The following CADPS2 variants were observed in gnomAD, a reference collection of about 807,000 sequenced individuals.
CADPS2 encodes the protein calcium dependent secretion activator 2.
CADPS2 carries 93 observed loss-of-function variants against 172.5 expected under a neutral mutation model. That is an observed-to-expected ratio of 0.54 (90% CI 0.46 to 0.64). The LOEUF is 0.64. Ranked by LOEUF, CADPS2 falls within the 30% of genes least tolerant of loss-of-function variation. The probability of loss-of-function intolerance (pLI) is 0.00; values close to 1 mark genes in which losing one functional copy is unlikely to be tolerated. For synonymous variants in CADPS2, 546 were observed against 555.2 expected (o/e 0.98, Z 0.23); for missense variants, 1,420 against 1,565.9 (o/e 0.91, Z 1.57).
At chr7:122,493,826 C>T (rs752223205) in intron 9 of CADPS2, among the ~76,000 whole-genome samples, 23 of 147,782 alleles carry the variant, frequency 1.6e-4, no homozygotes, top group South Asian at 2.1e-4. Context: ...CCGTTATATT[C>T]GATAAACATT....
chr7:122,635,180 G>A (rs1336263756), intron 3 of CADPS2, among the ~76,000 whole-genome samples: 3 of 152,088 alleles, frequency 2.0e-5, no homozygotes, highest in Non-Finnish European at 4.4e-5. Flanking sequence ...GTTAAGTGTT[G>A]AGTTTAATTC....
At chr7:122,503,476 A>T (rs1477005073) in intron 9 of CADPS2, among the ~76,000 whole-genome samples, 1 of 152,168 alleles carries the variant, frequency 6.6e-6, no homozygotes, top group East Asian at 1.9e-4. Flanking sequence ...TGAAAGACTT[A>T]GGAGGATGCA....
At chr7:122,467,415 A>G (rs1297227257) in intron 14 of CADPS2, among the ~76,000 whole-genome samples, 1 of 152,230 alleles carries the variant, frequency 6.6e-6, no homozygotes, top group African/African-American at 2.4e-5. Flanking sequence ...CTGAAGTGAC[A>G]GTCAAGGGGA....
intron 1 of CADPS2, among the ~76,000 whole-genome samples, chr7:122,741,844 C>G (rs963212039): frequency 3.3e-5 from 5 of 152,142 alleles, no homozygotes; most frequent in Non-Finnish European, 7.4e-5. Context: ...ACAAAACAGA[C>G]TGTTACTTTC....
chr7:122,334,723 T>C (rs756751708), intron 28 of CADPS2, among the ~76,000 whole-genome samples: 10 of 152,186 alleles, frequency 6.6e-5, no homozygotes, highest in Non-Finnish European at 8.8e-5. Flanking sequence ...ATTTAATAGA[T>C]TAATTATTAG....
chr7:122,520,883 C>T (rs968940505), intron 8 of CADPS2, among the ~76,000 whole-genome samples: 4 of 151,920 alleles, frequency 2.6e-5, no homozygotes, highest in African/African-American at 9.7e-5. Flanking sequence ...AAAATCATCA[C>T]TAATGAATAT....
chr7:122,686,636 A>C (rs751982844), intron 2 of CADPS2, among the ~76,000 whole-genome samples: 10 of 152,212 alleles, frequency 6.6e-5, no homozygotes, highest in South Asian at 2.1e-4. Context: ...CAGAAAGTGA[A>C]TGCAGGTGGT....
intron 15 of CADPS2, among the ~76,000 whole-genome samples, chr7:122,442,723 G>A (rs947517403): frequency 3.3e-4 from 50 of 151,780 alleles, no homozygotes; most frequent in African/African-American, 1.1e-3. Context: ...TTTTATATTC[G>A]TGAAACTTTC....
intron 14 of CADPS2, among the ~76,000 whole-genome samples, chr7:122,463,080 C>T (rs2054665273): frequency 6.6e-6 from 1 of 152,158 alleles, no homozygotes; most frequent in Admixed American, 6.5e-5. Flanking sequence ...ATCAAACAGG[C>T]AAGAATTAGT....
At chr7:122,682,244 A>C (rs2135839320) in intron 2 of CADPS2, among the ~76,000 whole-genome samples, 1 of 152,302 alleles carries the variant, frequency 6.6e-6, no homozygotes, top group East Asian at 1.9e-4. Flanking sequence ...AGTGGAAGAA[A>C]AATCTTGTTG....
chr7:122,450,170 TG>T (rs1315833265), intron 15 of CADPS2, among the ~76,000 whole-genome samples: 1 of 152,218 alleles, frequency 6.6e-6, no homozygotes, highest in Non-Finnish European at 1.5e-5. Flanking sequence ...AAAATATTTT[TG>T]TGAACATATT....
chr7:122,626,543 C>G (rs2076108700), intron 4 of CADPS2, among the ~76,000 whole-genome samples: 1 of 152,114 alleles, frequency 6.6e-6, no homozygotes, highest in East Asian at 1.9e-4. Flanking sequence ...CACCACCTCT[C>G]TCCTACACTC....
intron 25 of CADPS2, among the ~76,000 whole-genome samples, chr7:122,378,156 T>A (rs1395138099): frequency 2.6e-5 from 4 of 152,160 alleles, no homozygotes; most frequent in Non-Finnish European, 5.9e-5. Context: ...AATACAGATG[T>A]CCCATAATTT....
chr7:122,618,850 C>T (rs915696597), intron 5 of CADPS2, among the ~76,000 whole-genome samples: 6 of 152,142 alleles, frequency 3.9e-5, no homozygotes, highest in African/African-American at 7.2e-5. Flanking sequence ...TCACTTAACA[C>T]GATTTTACTT....
intron 2 of CADPS2, among the ~76,000 whole-genome samples, chr7:122,663,892 T>A (rs2080887357): frequency 6.6e-6 from 1 of 152,146 alleles, no homozygotes; most frequent in Non-Finnish European, 1.5e-5. Context: ...CGTGCTCTTA[T>A]ACACAGACTC....
At chr7:122,666,322 T>G (rs574799306) in intron 2 of CADPS2, among the ~76,000 whole-genome samples, 1 of 150,150 alleles carries the variant, frequency 6.7e-6, no homozygotes, top group Non-Finnish European at 1.5e-5. Flanking sequence ...CACCTTTCCA[T>G]TGCCCTACCT....
At chr7:122,812,191 T>C (rs1302125243) in intron 1 of CADPS2, among the ~76,000 whole-genome samples, 1 of 152,016 alleles carries the variant, frequency 6.6e-6, no homozygotes, top group Non-Finnish European at 1.5e-5. Context: ...GTTATATATG[T>C]TGGTAAAGAA....
chr7:122,654,213 G>A (rs1177294588), intron 3 of CADPS2, among the ~76,000 whole-genome samples: 1 of 152,334 alleles, frequency 6.6e-6, no homozygotes, highest in South Asian at 2.1e-4. Flanking sequence ...AATGCAAGGT[G>A]AAGCAGCAAG....
intron 8 of CADPS2, among the ~76,000 whole-genome samples, chr7:122,533,532 CT>C: frequency 6.6e-6 from 1 of 152,134 alleles, no homozygotes; most frequent in Admixed American, 6.6e-5. Context: ...AGAAGCACAC[CT>C]TTTGGTGGCA....
Sources: allele counts gnomAD v4.1 joint callset (sites outside exome capture counted in the v4.1 genomes callset), GRCh38; gene constraint gnomAD v4.1.1; transcripts MANE v1.5; gene names NCBI Gene and HGNC (gene_info 2026-07-23, HGNC 2026-07-21).